MSRA: variants seen among roughly 807,000 people sequenced by gnomAD.
MSRA encodes the protein mitochondrial peptide methionine sulfoxide reductase.
In MSRA, 54 loss-of-function variants were observed where a neutral mutation model predicts 31.3. The observed-to-expected ratio is 1.73, with a 90% confidence interval of 1.39 to 2.17. MSRA has a LOEUF of 2.17. Among genes scored for constraint, MSRA ranks in the 30% most tolerant of loss-of-function variants. MSRA has a pLI of 0.00. For synonymous variants in MSRA, 169 were observed against 116.5 expected (o/e 1.45, Z -2.90); for missense variants, 507 against 300.9 (o/e 1.69, Z -5.07).
intron 5 of MSRA, among the ~76,000 whole-genome samples, chr8:10,333,874 C>T (rs952260028): frequency 6.6e-6 from 1 of 152,132 alleles, no homozygotes; most frequent in Non-Finnish European, 1.5e-5. Context: ...ATGAGCACTT[C>T]ACACAAGGCA....
At chr8:10,334,924 G>C (rs1459033423) in intron 5 of MSRA, among the ~76,000 whole-genome samples, 2 of 152,200 alleles carry the variant, frequency 1.3e-5, no homozygotes, top group Non-Finnish European at 2.9e-5. Flanking sequence ...GGGCCCCGCC[G>C]AGCCATCTTC....
At chr8:10,094,397 G>A (rs1229036122) in intron 1 of MSRA, among the ~76,000 whole-genome samples, 1 of 152,216 alleles carries the variant, frequency 6.6e-6, no homozygotes, top group Non-Finnish European at 1.5e-5. Flanking sequence ...TTGTGAAGAT[G>A]ACACATTTGA....
At chr8:10,385,411 T>A (rs1317628754) in intron 5 of MSRA, among the ~76,000 whole-genome samples, 1 of 152,204 alleles carries the variant, frequency 6.6e-6, no homozygotes, top group Non-Finnish European at 1.5e-5. Context: ...GAGTAGAGTT[T>A]AGTCAAAGTG....
intron 1 of MSRA, among the ~76,000 whole-genome samples, chr8:10,172,699 C>T (rs1249069330): frequency 2.0e-5 from 3 of 152,070 alleles, no homozygotes; most frequent in Admixed American, 6.5e-5. Context: ...CCAAAGTCTC[C>T]CATGATGGGG....
At chr8:10,147,111 G>A (rs1803211581) in intron 1 of MSRA, among the ~76,000 whole-genome samples, 1 of 152,166 alleles carries the variant, frequency 6.6e-6, no homozygotes, top group African/African-American at 2.4e-5. Flanking sequence ...GACACAGAGA[G>A]CAGAATGTCA....
chr8:10,257,932 T>A (rs1318149762), intron 3 of MSRA, among the ~76,000 whole-genome samples: 3 of 152,090 alleles, frequency 2.0e-5, no homozygotes, highest in Non-Finnish European at 4.4e-5. Context: ...AGGAGATGAG[T>A]TCATGAGATT....
At chr8:10,269,115 A>G (rs969116883) in intron 3 of MSRA, among the ~76,000 whole-genome samples, 3 of 152,228 alleles carry the variant, frequency 2.0e-5, no homozygotes, top group Non-Finnish European at 2.9e-5. Flanking sequence ...GCCAATGTCG[A>G]TGGATTGTTA....
intron 1 of MSRA, among the ~76,000 whole-genome samples, chr8:10,082,039 C>T (rs1798321692): frequency 6.6e-6 from 1 of 152,038 alleles, no homozygotes; most frequent in African/African-American, 2.4e-5. Context: ...CCCAACAGTA[C>T]AAAAATATAT....
chr8:10,099,356 A>G (rs1055803201), intron 1 of MSRA, among the ~76,000 whole-genome samples: 2 of 152,322 alleles, frequency 1.3e-5, no homozygotes, highest in African/African-American at 4.8e-5. Flanking sequence ...AGATACTCCC[A>G]GAGGACTTGC....
intron 5 of MSRA, among the ~76,000 whole-genome samples, chr8:10,367,458 G>A (rs1340379693): frequency 2.0e-5 from 3 of 152,132 alleles, no homozygotes; most frequent in African/African-American, 7.2e-5. Context: ...ATCCACCGGG[G>A]GTCTTGGAAC....
chr8:10,256,263 C>T (rs959413147), intron 3 of MSRA, among the ~76,000 whole-genome samples: 1 of 152,160 alleles, frequency 6.6e-6, no homozygotes, highest in Admixed American at 6.6e-5. Context: ...CAGTAATATG[C>T]ACTTAAGTTT....
At chr8:10,167,975 A>G (rs1311616085) in intron 1 of MSRA, among the ~76,000 whole-genome samples, 1 of 152,114 alleles carries the variant, frequency 6.6e-6, no homozygotes, top group Admixed American at 6.5e-5. Context: ...CTCTGTTAGG[A>G]CTTGGGCATG....
At chr8:10,106,840 C>G (rs963336848) in intron 1 of MSRA, among the ~76,000 whole-genome samples, 3 of 151,910 alleles carry the variant, frequency 2.0e-5, no homozygotes, top group African/African-American at 7.3e-5. Context: ...CACTCACACA[C>G]CCACCCACCT....
intron 5 of MSRA, among the ~76,000 whole-genome samples, chr8:10,370,155 C>G (rs1805397326): frequency 6.6e-6 from 1 of 152,180 alleles, no homozygotes; most frequent in Non-Finnish European, 1.5e-5. Flanking sequence ...ATTTTCATTC[C>G]CTCAAGCCTG....
intron 5 of MSRA, among the ~76,000 whole-genome samples, chr8:10,410,095 A>G (rs1304032650): frequency 2.6e-5 from 4 of 152,220 alleles, no homozygotes; most frequent in Non-Finnish European, 2.9e-5. Context: ...GAGCAAGTCA[A>G]AGGAAAAAGA....
At chr8:10,111,365 G>A (rs181075377) in intron 1 of MSRA, among the ~76,000 whole-genome samples, 35 of 152,186 alleles carry the variant, frequency 2.3e-4, no homozygotes, top group African/African-American at 6.5e-4. Flanking sequence ...ACACCACTGC[G>A]TCTTCTCTCT....
chr8:10,074,541 A>G (rs972068719), intron 1 of MSRA, among the ~76,000 whole-genome samples: 2 of 152,212 alleles, frequency 1.3e-5, no homozygotes, highest in African/African-American at 2.4e-5. Flanking sequence ...TTTATTGATT[A>G]TTAATTGATA....
chr8:10,282,825 T>A (rs1799694124), intron 3 of MSRA, among the ~76,000 whole-genome samples: 1 of 152,164 alleles, frequency 6.6e-6, no homozygotes, highest in Non-Finnish European at 1.5e-5. Context: ...GAATTCAGAA[T>A]TCTCCATCAA....
chr8:10,232,122 G>A (rs1351923791), intron 2 of MSRA, among the ~76,000 whole-genome samples: 1 of 152,120 alleles, frequency 6.6e-6, no homozygotes, highest in African/African-American at 2.4e-5. Flanking sequence ...GGCTGCCCTG[G>A]AAATTGTTGT....
Sources: gnomAD v4.1 joint callset for allele counts (sites outside exome capture counted in the v4.1 genomes callset) on GRCh38, gnomAD v4.1.1 for gene constraint, MANE v1.5 for transcripts, NCBI Gene and HGNC (gene_info 2026-07-23, HGNC 2026-07-21) for gene names.